CDK16: variants seen among roughly 807,000 people sequenced by gnomAD.
The protein encoded by CDK16 is cyclin dependent kinase 16, also known as cyclin-dependent kinase 16.
A neutral mutation model predicts 41.6 loss-of-function variants in CDK16; 2 were observed. The ratio of observed to expected loss-of-function variants is 0.05; its 90% CI spans 0.02 to 0.15. The LOEUF (loss-of-function observed/expected upper bound fraction) is 0.15. CDK16 is among the 10% of genes least tolerant of loss of function. The pLI, the probability that CDK16 is intolerant of heterozygous loss-of-function variation, is 1.00. For synonymous variants in CDK16, 169 were observed against 169.7 expected, an observed-to-expected ratio of 1.00 and a Z score of 0.03; for missense variants, 228 against 428.9, an observed-to-expected ratio of 0.53 and a Z score of 4.14.
intron 6 of CDK16, among the ~76,000 whole-genome samples, chrX:47,225,402 C>T (rs1836576483): frequency 8.9e-6 from 1 of 112,146 alleles, no homozygotes; most frequent in African/African-American, 3.2e-5. Flanking sequence ...ATTTGAATTG[C>T]ACTGAAATTT....
In CDK16 at chrX:47,228,759, C is replaced by T. The variant is rs143590243; in HGVS notation, c.1482C>T (p.Thr494=). The T allele has an allele frequency of 2.5e-6, 3 of 1,208,256 alleles. No individual in the cohort carries two copies. The highest frequency in any genetic ancestry group is 4.4e-5 in the Admixed American group (2 of 45,704). Residue 494 remains threonine, a synonymous_variant, in exon 16 of 16, where the codon ACC becomes ACT. Transcript: ENST00000357227. ...SGRPAFRVVD[T]EF ...GGCCAGCTTTCCGCGTGGTGGACAC[C>T]GAGTTCTAAGCCACAGACCGAGGCC... is the stretch of plus-strand genomic sequence containing the variant.
chrX:47,223,678 G>T lies in CDK16; in HGVS notation c.121G>T (p.Gly41Cys). ...CCTGGATGAGAGTGGTGGTGGTGGC[G>T]GCAGTGACCCTGGAGAGGCCCCCAC... ...IGLDESGGGGGSDPGEAPTRA... is the reference protein window; with the variant it reads ...IGLDESGGGGCSDPGEAPTRA... The change falls in exon 2 of 16, where the codon GGC becomes TGC. Residue 41 changes from glycine to cysteine, a missense_variant. By Grantham distance (159) the Gly-to-Cys change is radical. Around this residue, in one of 3 missense-constraint regions of CDK16, gnomAD observed 71 missense variants for 102.2 expected, o/e 0.69. Transcript: ENST00000357227. 8.3e-7 allele frequency: 1 copy of T among 1,210,736 alleles called. No homozygotes were observed. The highest frequency in any genetic ancestry group is 1.1e-6 in the Non-Finnish European group (1 of 895,050).
chrX:47,218,895 GCCGCCT>G lies in CDK16; in HGVS notation c.-209_-204del, dbSNP rs1201082250. ...AAGCTCATGGCCGGCTGAGCGGGAC[GCCGCCT>G]CCGCCTCAGCCACCGCCGCCGCCGC... On this transcript the variant is annotated 5_prime_UTR_variant, in exon 1 of 16. Transcript: ENST00000357227. 4.7e-6 allele frequency: 5 copies of G among 1,066,329 alleles called. No homozygotes were observed. The highest frequency in any genetic ancestry group is 4.8e-6 in the Non-Finnish European group (4 of 828,233). 87.9% of individuals were successfully genotyped at this position (1,066,329 alleles called of 1,213,427 possible).
chrX:47,228,180 T>C (rs1170419233), intron 14 of CDK16: 2 of 138,191 alleles, frequency 1.4e-5, no homozygotes, highest in African/African-American at 6.3e-5. Context: ...TTAAATAATT[T>C]CAGCATATAC....
intron 1 of CDK16, chrX:47,222,957 TC>T (rs757819833): frequency 0.16 from 31,092 of 200,446 alleles, 95 homozygotes; most frequent in Non-Finnish European, 0.17. Context: ...CACGCTCCCC[TC>T]CCCCCCCCCA....
At chrX:47,220,169 G>C (rs1257232078) in intron 1 of CDK16, among the ~76,000 whole-genome samples, 1 of 110,089 alleles carries the variant, frequency 9.1e-6, no homozygotes, top group East Asian at 2.8e-4. Context: ...TTCAATGTGT[G>C]CCATTTCGAG....
chrX:47,219,548 T>A (rs1036666732), intron 1 of CDK16, among the ~76,000 whole-genome samples: 1 of 109,732 alleles, frequency 9.1e-6, no homozygotes, highest in Non-Finnish European at 1.9e-5. Flanking sequence ...TCGAGGAAGT[T>A]CTAAGACATG....
At chrX:47,219,714 G>A (rs1937251990) in intron 1 of CDK16, among the ~76,000 whole-genome samples, 1 of 110,441 alleles carries the variant, frequency 9.1e-6, no homozygotes, top group Non-Finnish European at 1.9e-5. Context: ...TCTGTCCGTG[G>A]GGCCTGCAGT....
rs1734597795 is a variant in CDK16, at chrX:47,218,857, G to T, written c.-255G>T. Reference sequence around the variant, plus strand: ...CGGCGCCAACGAGTCCGGGGGCATCGCCCGCAGCGGCCAAGCTCATGGCCG... The same window carrying T: ...CGGCGCCAACGAGTCCGGGGGCATCTCCCGCAGCGGCCAAGCTCATGGCCG... On this transcript the variant is annotated 5_prime_UTR_variant, in exon 1 of 16. Transcript: ENST00000357227. The T allele has an allele frequency of 4.5e-6, 5 of 1,116,739 alleles. No individual in the cohort carries two copies. Among genetic ancestry groups the T allele is most frequent in the Non-Finnish European group, 5.9e-6 (5 of 853,680 alleles). The allele number at this position is 1,116,739 out of a possible 1,213,427, so 92.0% of individuals were successfully genotyped here.
chrX:47,226,061 G>A, intron 8 of CDK16, 34 bp downstream of exon 8: 2 of 1,168,438 alleles, frequency 1.7e-6, no homozygotes, highest in Non-Finnish European at 2.3e-6. Context: ...GGCACAAGGG[G>A]GCCCCCACTC....
At chrX:47,226,191 T>C in intron 8 of CDK16, 88 bp from the exon 9 acceptor site, 1 of 1,160,184 alleles carries the variant, frequency 8.6e-7, no homozygotes, top group Non-Finnish European at 1.2e-6. Flanking sequence ...CTGGGCCTAG[T>C]GTCTGTGTTT....
intron 2 of CDK16, 116 bp from the exon 3 acceptor site, chrX:47,224,269 T>A (rs1937477862): frequency 1.2e-6 from 1 of 822,934 alleles, no homozygotes; most frequent in Middle Eastern, 4.6e-4. Context: ...GACTCCAGGT[T>A]TCCTGTGGGG....
chrX:47,225,970 G>A lies in CDK16; in HGVS notation c.735G>A (p.Lys245=). The A allele has an allele frequency of 8.3e-7, 1 of 1,202,899 alleles. No individual in the cohort carries two copies. Residue 245 remains lysine (K), a synonymous_variant, in exon 8 of 16, where the codon AAG becomes AAA. Coordinates refer to ENST00000357227, the MANE Select transcript of CDK16 (RefSeq NM_006201.5). ...ACCACCTCTTCTTTCCTCAGGACAA[G>A]GACCTGAAGCAGTACCTGGATGACT... ...SLTLVFEYLD[K]DLKQYLDDCG... is the part of the protein sequence containing the mutation.
At chrX:47,227,539 G>A (rs776839704) in intron 14 of CDK16, 70 bp downstream of exon 14, 18 of 787,222 alleles carry the variant, frequency 2.3e-5, no homozygotes, top group African/African-American at 6.1e-5. Context: ...GCCAGCTGGC[G>A]GGTTGTGTAG....
chrX:47,228,528 A>G (rs373210775), intron 14 of CDK16, 39 bp from the exon 15 acceptor site: 44 of 1,124,279 alleles, frequency 3.9e-5, no homozygotes, highest in Non-Finnish European at 5.1e-5. Context: ...AGATGACCTC[A>G]TGGGTCATCC....
At chrX:47,224,291 A>C in intron 2 of CDK16, 94 bp from the exon 3 acceptor site, 9 of 985,970 alleles carry the variant, frequency 9.1e-6, no homozygotes, top group Non-Finnish European at 1.1e-5. Flanking sequence ...CCACGTGCAC[A>C]CATGTGTGAT....
Position 47,228,862 on chromosome X carries a change from C to A in CDK16, c.*94C>A. ...CTACATCTTCCCTGCTTACTCTCTG[C>A]CTACCTGCCTGAGCCATGTTCACCT... On this transcript the variant is annotated 3_prime_UTR_variant, in exon 16 of 16. Coordinates refer to ENST00000357227, the MANE Select transcript of CDK16 (RefSeq NM_006201.5). The A allele has an allele frequency of 1.1e-6, 1 of 913,250 alleles. No individual in the cohort carries two copies. Among genetic ancestry groups the A allele is most frequent in the African/African-American group, 1.9e-5 (1 of 51,757 alleles). The allele number at this position is 913,250 out of a possible 1,213,427, so 75.3% of individuals were successfully genotyped here. A position where few individuals can be genotyped will look rare whatever the true frequency, so the allele number is the denominator to read the frequency against.
chrX:47,225,894 G>C, intron 7 of CDK16, 28 bp downstream of exon 7: 2 of 1,190,899 alleles, frequency 1.7e-6, no homozygotes, highest in Non-Finnish European at 2.3e-6. Context: ...TAGGTCCCAG[G>C]GGGAGGTGAG....
At chrX:47,224,774 TTTC>T (rs758590982) in intron 4 of CDK16, 31 bp downstream of exon 4, 18 of 1,209,425 alleles carry the variant, frequency 1.5e-5, no homozygotes, top group Middle Eastern at 2.3e-4. Context: ...TCCTCTCCTT[TTTC>T]TTCTCTCCCA....
Sources: gnomAD v4.1 joint callset for allele counts (sites outside exome capture counted in the v4.1 genomes callset) on GRCh38, gnomAD v4.1.1 for gene constraint, gnomAD v4.1.1 regional missense constraint, MANE v1.5 for transcripts, NCBI Gene and HGNC (gene_info 2026-07-23, HGNC 2026-07-21) for gene names.